CLN6: variants seen among roughly 807,000 people sequenced by gnomAD.
CLN6 encodes ceroid-lipofuscinosis neuronal protein 6.
CLN6 carries 22 observed loss-of-function variants against 33.3 expected under a neutral mutation model. That is an observed-to-expected ratio of 0.66 (90% CI 0.47 to 0.94). CLN6 has a LOEUF of 0.94. Among genes scored for constraint, CLN6 ranks in the 40% least tolerant of loss-of-function variants. The pLI, the probability that CLN6 is intolerant of heterozygous loss-of-function variation, is 0.00. For synonymous variants in CLN6, 201 were observed against 174.6 expected (o/e 1.15, Z -1.19); for missense variants, 387 against 417.1 (o/e 0.93, Z 0.63).
chr15:68,255,502 G>A (rs1327212667), intron 1 of CLN6, among the ~76,000 whole-genome samples: 1 of 152,174 alleles, frequency 6.6e-6, no homozygotes, highest in Non-Finnish European at 1.5e-5. Context: ...TGCTAAACAT[G>A]AACTATCAAC....
chr15:68,230,962 A>AGAAGGGATGTGCCTCTTG (rs1031371349), upstream of CLN6, among the ~76,000 whole-genome samples: 2 of 152,196 alleles, frequency 1.3e-5, no homozygotes, highest in Admixed American at 1.3e-4. The surrounding 1 kb of genome is among the most constrained non-coding windows in gnomAD (Gnocchi z 4.0). Flanking sequence ...AAGCCGCTGC[A>AGAAGGGATGTGCCTCTTG]GAAGGGATGT....
chr15:68,237,156 T>C (rs1892227335), intron 1 of CLN6, among the ~76,000 whole-genome samples: 1 of 73,532 alleles, frequency 1.4e-5, no homozygotes, highest in Non-Finnish European at 2.3e-5. Context: ...AGAGCGAGAC[T>C]CCGTCTCAAA....
intron 3 of CLN6, 34 bp downstream of exon 3, chr15:68,214,256 A>G: frequency 1.3e-6 from 2 of 1,482,404 alleles, no homozygotes; most frequent in Non-Finnish European, 1.9e-6. Flanking sequence ...AAGAATGGGG[A>G]TGACAGGAGA....
intron 1 of CLN6, among the ~76,000 whole-genome samples, chr15:68,253,446 C>T (rs1032427098): frequency 1.3e-5 from 2 of 152,134 alleles, no homozygotes; most frequent in Non-Finnish European, 1.5e-5. Flanking sequence ...GCATTCATTC[C>T]TAAATTAATA....
At chr15:68,233,949 C>T (rs1196243269), upstream of CLN6, among the ~76,000 whole-genome samples, 2 of 152,184 alleles carry the variant, frequency 1.3e-5, no homozygotes, top group East Asian at 3.8e-4. The surrounding 1 kb of genome is among the most constrained non-coding windows in gnomAD (Gnocchi z 4.3). Context: ...AGAAGTCACA[C>T]TGTGGGGAGA....
At chr15:68,222,788 T>C (rs1161723196) in intron 1 of CLN6, among the ~76,000 whole-genome samples, 1 of 152,132 alleles carries the variant, frequency 6.6e-6, no homozygotes, top group Non-Finnish European at 1.5e-5. Context: ...CTAAGAAAAA[T>C]TCTTCTGCCT....
chr15:68,228,040 G>T lies in CLN6; in HGVS notation c.83+1462C>A, dbSNP rs936529220. Reference sequence around the variant, plus strand: ...CACGGCGTGGGGCAGACAGCCCGGGGACTCAGCCAGTCAGGCTCCTCAGCC... The same window carrying T: ...CACGGCGTGGGGCAGACAGCCCGGGTACTCAGCCAGTCAGGCTCCTCAGCC... On this transcript the variant is annotated intron_variant, in intron 1 of 6. Transcript: ENST00000249806. This position sits in a 1 kb window ranked among gnomAD's most constrained non-coding sequence, Gnocchi z 4.4. Among the ~76,000 whole-genome samples, 2 of 152,156 alleles carry T rather than the reference G, an allele frequency of 1.3e-5. No homozygotes were observed. The highest frequency in any genetic ancestry group is 4.1e-4 in the South Asian group (2 of 4,832).
chr15:68,249,484 G>A (rs1332872010), intron 1 of CLN6, among the ~76,000 whole-genome samples: 1 of 152,176 alleles, frequency 6.6e-6, no homozygotes, highest in Admixed American at 6.5e-5. Context: ...ATGGAATACT[G>A]TTCAGCCATG....
chr15:68,222,731 G>C (rs910180853), intron 1 of CLN6, among the ~76,000 whole-genome samples: 1 of 152,240 alleles, frequency 6.6e-6, no homozygotes, highest in African/African-American at 2.4e-5. Flanking sequence ...TTGTTACTGT[G>C]TCTGTGTAGA....
At chr15:68,249,659 G>A (rs561200096) in intron 1 of CLN6, among the ~76,000 whole-genome samples, 7 of 152,310 alleles carry the variant, frequency 4.6e-5, no homozygotes, top group Non-Finnish European at 1.0e-4. Context: ...CAGTAAGGGT[G>A]GGTGAGGGGA....
In CLN6 at chr15:68,214,079, T is replaced by G. The variant is rs931962879; in HGVS notation, c.297+211A>C. 5 of 530,938 alleles carry G rather than the reference T, an allele frequency of 9.4e-6. No homozygotes were observed. In the Admixed American group the frequency reaches 9.5e-5, roughly 10 times the overall value. 32.9% of individuals were successfully genotyped at this position (530,938 alleles called of 1,614,324 possible). A position where few individuals can be genotyped will look rare whatever the true frequency, so the allele number is the denominator to read the frequency against. On this transcript the variant is annotated intron_variant, in intron 3 of 6. Coordinates refer to ENST00000249806, the MANE Select transcript of CLN6 (RefSeq NM_017882.3). ...GGCTGAGGCTCAAATCAAAAGCCCT[T>G]TCTTGGGGCATATTTTCCATCCCTC...
In CLN6 at chr15:68,229,596, A is replaced by AGGCCCCTC. The variant is rs2093262927; in HGVS notation, c.-20_-13dup. On this transcript the variant is annotated 5_prime_UTR_variant, in exon 1 of 7. Transcript: ENST00000249806. ...CGCGTCGCCTCCATGGCTGCCCCGC[A>AGGCCCCTC]GGCCCCTCGGCCCTGCCTTTCCGAG... 4.1e-6 allele frequency: 6 copies of AGGCCCCTC among 1,459,882 alleles called. No homozygotes were observed. The highest frequency in any genetic ancestry group is 1.5e-5 in the African/African-American group (1 of 67,754). 90.4% of individuals were successfully genotyped at this position (1,459,882 alleles called of 1,614,324 possible).
chr15:68,211,878 G>C lies in CLN6; in HGVS notation c.298-15C>G. ...CGCTCGATGAGCTGGGGTTCAGAGTGGGGTTGGCAGCATGACCCCACCTCT... is the reference window on the plus strand; with the variant it reads ...CGCTCGATGAGCTGGGGTTCAGAGTCGGGTTGGCAGCATGACCCCACCTCT... On this transcript the variant is annotated splice_polypyrimidine_tract_variant and intron_variant, in intron 3 of 6. Transcript: ENST00000249806. This position sits in a 1 kb window ranked among gnomAD's most constrained non-coding sequence, Gnocchi z 5.9. The C allele has an allele frequency of 6.2e-7, 1 of 1,612,390 alleles. No homozygotes were observed. The highest frequency in any genetic ancestry group is 1.1e-5 in the South Asian group (1 of 91,048).
At chr15:68,221,900 C>T (rs2093237421) in intron 1 of CLN6, among the ~76,000 whole-genome samples, 1 of 148,002 alleles carries the variant, frequency 6.8e-6, no homozygotes, top group Non-Finnish European at 1.5e-5. Context: ...ATGTGAGGAG[C>T]GCCTCTGCCC....
rs891745835 is a variant in CLN6 at position 68,210,516 on chromosome 15, C to T, written c.542+747G>A. 1.3e-5 allele frequency among the ~76,000 whole-genome samples: 2 copies of T among 152,190 alleles called. No homozygotes were observed. Among genetic ancestry groups the T allele is most frequent in the African/African-American group, 2.4e-5 (1 of 41,454 alleles). On this transcript the variant is annotated intron_variant, in intron 5 of 6. Transcript: ENST00000249806. The surrounding 1 kb of genome is among the most constrained non-coding windows in gnomAD (Gnocchi z 5.6). ...ACCCTGGAAATGCCCGTGCAGGGTG[C>T]GTGTGCTGTGAGCACCAACTCAGGA...
intron 1 of CLN6, among the ~76,000 whole-genome samples, chr15:68,237,089 G>A (rs1892226542): frequency 2.7e-5 from 4 of 149,744 alleles, no homozygotes; most frequent in Admixed American, 1.3e-4. Context: ...CCCGGGAAGC[G>A]GAGCTTGCAG....
chr15:68,214,083 T>TG (rs1296815732), intron 3 of CLN6: 1 of 540,434 alleles, frequency 1.9e-6, no homozygotes, highest in African/African-American at 1.9e-5. Flanking sequence ...AGCCCTTTCT[T>TG]GGGGCATATT....
intron 1 of CLN6, among the ~76,000 whole-genome samples, chr15:68,235,654 T>C (rs1420670734): frequency 6.7e-6 from 1 of 149,942 alleles, no homozygotes; most frequent in Non-Finnish European, 1.5e-5. Flanking sequence ...ATGGAATACA[T>C]AGGGCACAGG....
chr15:68,245,049 A>AAG (rs1555441204), intron 1 of CLN6, among the ~76,000 whole-genome samples: 13 of 150,834 alleles, frequency 8.6e-5, no homozygotes, highest in African/African-American at 2.2e-4. Flanking sequence ...AAAAAAAAAA[A>AAG]AGAGAGAGAG....
Sources: allele counts gnomAD v4.1 joint callset (sites outside exome capture counted in the v4.1 genomes callset), GRCh38; gene constraint gnomAD v4.1.1; non-coding constraint Gnocchi (gnomAD v3.1); transcripts MANE v1.5; gene names NCBI Gene and HGNC (gene_info 2026-07-23, HGNC 2026-07-21).